Variants in MRAP observed in about 807,000 individuals in gnomAD.
MRAP encodes melanocortin-2 receptor accessory protein.
A neutral mutation model predicts 8.7 loss-of-function variants in MRAP; 8 were observed. The ratio of observed to expected loss-of-function variants is 0.92; its 90% CI spans 0.54 to 1.66. The LOEUF (loss-of-function observed/expected upper bound fraction) is 1.66. Among genes scored for constraint, MRAP ranks in the 40% most tolerant of loss-of-function variants. The pLI is 0.00. For missense variants in MRAP, 237 were observed against 217.1 expected (o/e 1.09, Z -0.58); for synonymous variants, 95 against 95.5 (o/e 1.00, Z 0.03).
chr21:32,306,709 A>C lies in MRAP; in HGVS notation c.176A>C (p.Tyr59Ser). 5 of 1,614,022 alleles carry C rather than the reference A, an allele frequency of 3.1e-6. No homozygotes were observed. The highest frequency in any genetic ancestry group is 4.2e-6 in the Non-Finnish European group (5 of 1,180,006). ...FVVLLFLILL[Y>S]MSWSASPQMR... ...GTGCTGCTCTTCCTCATCTTGCTCT[A>C]CATGTCCTGGTCCGCCTCCCCGCAG... Residue 59 changes from tyrosine (Y) to serine (S), a missense_variant, in exon 2 of 3, where the codon TAC (tyrosine) becomes TCC (serine). Coordinates refer to ENST00000303645, the MANE Select transcript of MRAP (RefSeq NM_001379228.1).
At chr21:32,300,550 G>A (rs928969733) in intron 1 of MRAP, among the ~76,000 whole-genome samples, 1 of 148,336 alleles carries the variant, frequency 6.7e-6, no homozygotes, top group Non-Finnish European at 1.5e-5. Flanking sequence ...TGCGTCACGT[G>A]TCCTATGTCA....
At chr21:32,296,872 C>T (rs1462942991), upstream of MRAP, among the ~76,000 whole-genome samples, 1 of 152,040 alleles carries the variant, frequency 6.6e-6, no homozygotes, top group African/African-American at 2.4e-5. Flanking sequence ...TGAGTGAATG[C>T]GAAGGCCTAG....
chr21:32,309,124 A>G (rs2032489605), intron 2 of MRAP, among the ~76,000 whole-genome samples: 1 of 152,164 alleles, frequency 6.6e-6, no homozygotes, highest in African/African-American at 2.4e-5. Context: ...GAAGTCTAGG[A>G]AGCATGGCAC....
upstream of MRAP, among the ~76,000 whole-genome samples, chr21:32,296,597 G>A (rs539812245): frequency 9.2e-5 from 14 of 152,244 alleles, no homozygotes; most frequent in African/African-American, 1.9e-4. Context: ...CACACACCTC[G>A]GCTGAACGGC....
chr21:32,307,733 G>A (rs1012098396), intron 2 of MRAP, among the ~76,000 whole-genome samples: 3 of 151,874 alleles, frequency 2.0e-5, no homozygotes, highest in Admixed American at 6.6e-5. Flanking sequence ...AGTTAGCTGG[G>A]CATGGTAGTG....
intron 1 of MRAP, among the ~76,000 whole-genome samples, chr21:32,300,938 GTCATA>G (rs1296331625): frequency 6.6e-6 from 1 of 150,680 alleles, no homozygotes; most frequent in Non-Finnish European, 1.5e-5. Flanking sequence ...TATCGTGTAT[GTCATA>G]TCAATGATAT....
At chr21:32,296,829 C>T (rs1601094006), upstream of MRAP, among the ~76,000 whole-genome samples, 2 of 152,052 alleles carry the variant, frequency 1.3e-5, no homozygotes, top group East Asian at 3.9e-4. Flanking sequence ...AGCCTCCAGG[C>T]CTGGAAGTTG....
chr21:32,313,067 T>C (rs1390160025), downstream of MRAP: 1 of 152,252 alleles, frequency 6.6e-6, no homozygotes, highest in Non-Finnish European at 1.5e-5. Context: ...GCTGAAAATG[T>C]GTCCTCACTT....
At chr21:32,293,074 G>C (rs1020902923) in exon 2 of MRAP, 5 of 152,182 alleles carry the variant, frequency 3.3e-5, no homozygotes, top group African/African-American at 9.7e-5. Context: ...AATCACAACT[G>C]TCCTTATAAG....
rs1283233385 is a variant in MRAP, at chr21:32,304,953, GTTTTTTTTGTTGTTTTTT to G, written c.107-1678_107-1661del. Among the ~76,000 whole-genome samples, 16 of 113,858 alleles carry G rather than the reference GTTTTTTTTGTTGTTTTTT, an allele frequency of 1.4e-4. 1 individual carries two copies. Among genetic ancestry groups the G allele is most frequent in the African/African-American group, 5.9e-4 (16 of 27,344 alleles). 74.7% of individuals were successfully genotyped at this position (113,858 alleles called of 152,430 possible). On this transcript the variant is annotated intron_variant, in intron 1 of 2. Coordinates refer to ENST00000303645, the MANE Select transcript of MRAP (RefSeq NM_001379228.1). ...TTATACCCTGTTTTGAGGGGGATTT[GTTTTTTTTGTTGTTTTTT>G]TTTTTTTTTTTTTTTTTTTGAGACA... is the stretch of plus-strand genomic sequence containing the variant.
chr21:32,305,503 G>A (rs2032392913), intron 1 of MRAP, among the ~76,000 whole-genome samples: 1 of 152,152 alleles, frequency 6.6e-6, no homozygotes, highest in Non-Finnish European at 1.5e-5. Flanking sequence ...CACAGTGTTA[G>A]TGCTGGAAGC....
chr21:32,304,961 TGTTG>T (rs144277178), intron 1 of MRAP, among the ~76,000 whole-genome samples: 7 of 111,610 alleles, frequency 6.3e-5, no homozygotes, highest in African/African-American at 2.2e-4. Context: ...TTGTTTTTTT[TGTTG>T]TTTTTTTTTT....
At chr21:32,295,677 T>C (rs914550909), upstream of MRAP, among the ~76,000 whole-genome samples, 1 of 152,036 alleles carries the variant, frequency 6.6e-6, no homozygotes, top group Admixed American at 6.6e-5. Flanking sequence ...CCAGAGTAGG[T>C]GTCTTAACAG....
intron 1 of MRAP, among the ~76,000 whole-genome samples, chr21:32,302,865 CAT>C (rs760349290): frequency 1.3e-5 from 2 of 152,090 alleles, no homozygotes; most frequent in African/African-American, 2.4e-5. Context: ...GGCAAGGAAA[CAT>C]AGTCTTTAAC....
chr21:32,305,957 T>C (rs1291423362), intron 1 of MRAP, among the ~76,000 whole-genome samples: 2 of 152,152 alleles, frequency 1.3e-5, no homozygotes, highest in African/African-American at 4.8e-5. Flanking sequence ...TGGTTTCCCT[T>C]TCCCCCTTCA....
intron 2 of MRAP, among the ~76,000 whole-genome samples, chr21:32,309,139 A>G (rs2032490472): frequency 2.0e-5 from 3 of 152,160 alleles, no homozygotes; most frequent in South Asian, 2.1e-4. Flanking sequence ...TGGCACCGAC[A>G]TCTGCTTAGC....
intron 1 of MRAP, 193 bp from the exon 2 acceptor site, chr21:32,306,447 A>G (rs949922323): frequency 1.1e-5 from 7 of 648,654 alleles, no homozygotes; most frequent in African/African-American, 7.2e-5. Flanking sequence ...GGAAAAAGAC[A>G]CTTCTTGGCT....
At chr21:32,304,552 T>C (rs1010211400) in intron 1 of MRAP, among the ~76,000 whole-genome samples, 2 of 151,470 alleles carry the variant, frequency 1.3e-5, no homozygotes, top group East Asian at 3.9e-4. Flanking sequence ...CAGGCGGAGG[T>C]TGCAGTGAGC....
intron 2 of MRAP, chr21:32,311,289 G>A (rs1424730516): frequency 2.5e-5 from 5 of 202,380 alleles, no homozygotes; most frequent in Non-Finnish European, 5.0e-5. Context: ...TTCAAGGTGA[G>A]ATTTGTGTCG....
Sources: gnomAD v4.1 joint callset for allele counts (sites outside exome capture counted in the v4.1 genomes callset) on GRCh38, gnomAD v4.1.1 for gene constraint, MANE v1.5 for transcripts, NCBI Gene and HGNC (gene_info 2026-07-23, HGNC 2026-07-21) for gene names.